The following NECTIN3 variants were observed in gnomAD, a reference collection of about 807,000 sequenced individuals.
The protein encoded by NECTIN3 is nectin-3.
In NECTIN3, 8 loss-of-function variants were observed where a neutral mutation model predicts 49.4. The ratio of observed to expected loss-of-function variants is 0.16; its 90% CI spans 0.10 to 0.29. NECTIN3 has a LOEUF of 0.29. Ranked by LOEUF, NECTIN3 falls within the 10% of genes least tolerant of loss-of-function variation. The pLI, the probability that NECTIN3 is intolerant of heterozygous loss-of-function variation, is 1.00. For missense variants in NECTIN3, 581 were observed against 654.6 expected, an observed-to-expected ratio of 0.89 and a Z score of 1.23; for synonymous variants, 277 against 241.1, an observed-to-expected ratio of 1.15 and a Z score of -1.38.
chr3:111,149,514 C>G (rs1373956794), intron 7 of NECTIN3, among the ~76,000 whole-genome samples: 1 of 137,968 alleles, frequency 7.2e-6, no homozygotes, highest in Non-Finnish European at 1.6e-5. Context: ...TGTGTAGAAT[C>G]TCTTTTCTGG....
chr3:111,130,260 A>G (rs1576143855), intron 5 of NECTIN3, among the ~76,000 whole-genome samples: 1 of 131,462 alleles, frequency 7.6e-6, no homozygotes, highest in African/African-American at 4.2e-5. Context: ...CTAGCCGAGA[A>G]TGTTTTTTTT....
chr3:111,118,916 A>G lies in NECTIN3; in HGVS notation c.763A>G (p.Lys255Glu), dbSNP rs763134788. 1.3e-5 allele frequency: 21 copies of G among 1,614,008 alleles called. No individual in the cohort carries two copies. In the South Asian group the frequency reaches 2.2e-4, roughly 17 times the overall value. ...TCVVKHPALE[K>E]DIRYSFILDI... ...TGTTGTAAAACATCCAGCCTTGGAA[A>G]AGGACATCCGATACTCTTTCATATT... The change falls in exon 3 of 6, where the codon AAG (lysine) becomes GAG (glutamate). Residue 255 changes from lysine (K) to glutamate (E), a missense_variant. Lys to Glu is a moderately conservative substitution (Grantham distance 56, BLOSUM62 1). Around this residue, in one of 3 missense-constraint regions of NECTIN3, gnomAD observed 234 missense variants for 340.6 expected, o/e 0.69. Transcript: ENST00000485303.
chr3:111,175,034 C>A (rs538282219), intron 7 of NECTIN3, among the ~76,000 whole-genome samples: 2 of 152,094 alleles, frequency 1.3e-5, no homozygotes, highest in Admixed American at 1.3e-4. Context: ...GGGGAGCTGG[C>A]AGCGGGGATG....
intron 3 of NECTIN3, among the ~76,000 whole-genome samples, chr3:111,121,284 A>G (rs1465016292): frequency 6.6e-6 from 1 of 151,404 alleles, no homozygotes; most frequent in Non-Finnish European, 1.5e-5. Context: ...AAGTGCTGGG[A>G]TTACAGGCGT....
intron 5 of NECTIN3, among the ~76,000 whole-genome samples, chr3:111,126,709 C>T (rs1177205530): frequency 6.6e-6 from 1 of 151,992 alleles, no homozygotes; most frequent in Non-Finnish European, 1.5e-5. Flanking sequence ...CCACTTTGTA[C>T]ACAGTTGTCT....
At chr3:111,178,936 C>T (rs2035579996) in intron 7 of NECTIN3, among the ~76,000 whole-genome samples, 1 of 152,190 alleles carries the variant, frequency 6.6e-6, no homozygotes, top group Non-Finnish European at 1.5e-5. Flanking sequence ...GCCTCAAGGG[C>T]ATAGTGTAAG....
At chr3:111,181,474 A>G (rs1576184535) in intron 7 of NECTIN3, among the ~76,000 whole-genome samples, 1 of 152,172 alleles carries the variant, frequency 6.6e-6, no homozygotes, top group South Asian at 2.1e-4. Context: ...TGTTAATCTC[A>G]TAAAAGGAGT....
At chr3:111,155,942 T>G (rs1437887321) in intron 7 of NECTIN3, among the ~76,000 whole-genome samples, 2 of 152,196 alleles carry the variant, frequency 1.3e-5, no homozygotes, top group Non-Finnish European at 2.9e-5. Flanking sequence ...GAGACTTATC[T>G]CAGGCTATTG....
chr3:111,164,380 C>T (rs2035277021), intron 7 of NECTIN3, among the ~76,000 whole-genome samples: 1 of 152,122 alleles, frequency 6.6e-6, no homozygotes, highest in Non-Finnish European at 1.5e-5. Flanking sequence ...CATGTCCTGC[C>T]CTGGTTTTGC....
intron 1 of NECTIN3, chr3:111,072,399 GC>G: frequency 6.6e-7 from 1 of 1,516,478 alleles, no homozygotes; most frequent in Non-Finnish European, 8.8e-7. Flanking sequence ...CTCCCCCGCG[GC>G]CGCGCGGGTC....
chr3:111,169,054 T>TA (rs1221835500), intron 7 of NECTIN3, among the ~76,000 whole-genome samples: 1 of 150,430 alleles, frequency 6.6e-6, no homozygotes, highest in Non-Finnish European at 1.5e-5. Context: ...GCTTATCTTA[T>TA]ACTAGTATAT....
At chr3:111,105,071 A>C (rs180982888) in intron 1 of NECTIN3, among the ~76,000 whole-genome samples, 1 of 151,158 alleles carries the variant, frequency 6.6e-6, no homozygotes, top group African/African-American at 2.4e-5. Flanking sequence ...CAGTTTTTTC[A>C]CACCTTTGGT....
intron 1 of NECTIN3, among the ~76,000 whole-genome samples, chr3:111,093,203 T>A (rs546085813): frequency 1.3e-5 from 2 of 152,270 alleles, no homozygotes; most frequent in Admixed American, 1.3e-4. Flanking sequence ...GCAATATCTT[T>A]TCAGTCCCCT....
rs528064173 is a variant in NECTIN3, at chr3:111,129,473, G to A, written c.1069+3138G>A. Among the ~76,000 whole-genome samples, 4 of 152,042 alleles carry A rather than the reference G, an allele frequency of 2.6e-5. No homozygotes were observed. In the South Asian group the frequency reaches 6.2e-4, roughly 24 times the overall value. The stretch of plus-strand genomic sequence containing the variant: ...CAATGATGTTTAGCATATGATAGAC[G>A]TTCAATACAGTTTTGTTGCATGAAT... On this transcript the variant is annotated intron_variant, in intron 5 of 5. Coordinates refer to ENST00000485303, the MANE Select transcript of NECTIN3 (RefSeq NM_015480.3).
intron 1 of NECTIN3, among the ~76,000 whole-genome samples, chr3:111,111,033 T>C (rs982739831): frequency 6.6e-5 from 10 of 152,120 alleles, no homozygotes; most frequent in Non-Finnish European, 1.2e-4. Context: ...CTTTTAAAGG[T>C]ATTGTTTATA....
At chr3:111,088,006 CT>C (rs1169795296) in intron 1 of NECTIN3, among the ~76,000 whole-genome samples, 1 of 151,970 alleles carries the variant, frequency 6.6e-6, no homozygotes, top group Non-Finnish European at 1.5e-5. Context: ...CAGAAGAAGC[CT>C]TTTTCTCAGC....
intron 1 of NECTIN3, among the ~76,000 whole-genome samples, chr3:111,103,579 TAAATAAAG>T (rs766067357): frequency 1.3e-5 from 2 of 151,898 alleles, no homozygotes; most frequent in African/African-American, 2.4e-5. Flanking sequence ...TATTTCTTAA[TAAATAAAG>T]AAATAAAGAA....
At chr3:111,175,180 C>T (rs2035505208) in intron 7 of NECTIN3, among the ~76,000 whole-genome samples, 1 of 151,722 alleles carries the variant, frequency 6.6e-6, no homozygotes, top group South Asian at 2.1e-4. Flanking sequence ...GTTCCGCCAT[C>T]CATCTGCTTG....
chr3:111,100,297 C>T (rs1029369120), intron 1 of NECTIN3, among the ~76,000 whole-genome samples: 16 of 152,142 alleles, frequency 1.1e-4, no homozygotes, highest in South Asian at 8.3e-4. Context: ...TTGTCAACTT[C>T]TAAGAAGATA....
Sources: allele counts gnomAD v4.1 joint callset (sites outside exome capture counted in the v4.1 genomes callset), GRCh38; gene constraint gnomAD v4.1.1; regional missense constraint gnomAD v4.1.1; transcripts MANE v1.5; gene names NCBI Gene and HGNC (gene_info 2026-07-23, HGNC 2026-07-21).